The following SH3PXD2A variants were observed in gnomAD, a reference collection of about 807,000 sequenced individuals.
SH3PXD2A encodes SH3 and PX domains 2A.
A neutral mutation model predicts 115.2 loss-of-function variants in SH3PXD2A; 32 were observed. The observed-to-expected ratio is 0.28, with a 90% CI of 0.21 to 0.37. SH3PXD2A has a LOEUF of 0.37. Among genes scored for constraint, SH3PXD2A ranks in the 10% least tolerant of loss-of-function variants. The pLI is 1.00. For synonymous variants in SH3PXD2A, 610 were observed against 629.1 expected, an observed-to-expected ratio of 0.97 and a Z score of 0.45; for missense variants, 1,328 against 1,498.7, an observed-to-expected ratio of 0.89 and a Z score of 1.88.
chr10:103,757,146 CAGGTAAGG>C (rs2038651421), intron 3 of SH3PXD2A, among the ~76,000 whole-genome samples: 1 of 152,148 alleles, frequency 6.6e-6, no homozygotes, highest in Non-Finnish European at 1.5e-5. Context: ...ATTTAGGCAT[CAGGTAAGG>C]AAAGGATGTA....
intron 3 of SH3PXD2A, among the ~76,000 whole-genome samples, chr10:103,740,789 T>C (rs1375437515): frequency 6.6e-6 from 1 of 152,154 alleles, no homozygotes; most frequent in Admixed American, 6.5e-5. Context: ...CTTGGAAGAC[T>C]TCCCCCTGCC....
chr10:103,694,604 G>A (rs1042426540), intron 5 of SH3PXD2A, among the ~76,000 whole-genome samples: 1 of 152,134 alleles, frequency 6.6e-6, no homozygotes, highest in Non-Finnish European at 1.5e-5. Flanking sequence ...GAACCCCCTT[G>A]GTATTCCATG....
At chr10:103,702,843 G>T (rs1167726283) in intron 5 of SH3PXD2A, among the ~76,000 whole-genome samples, 2 of 152,302 alleles carry the variant, frequency 1.3e-5, no homozygotes, top group South Asian at 2.1e-4. Flanking sequence ...CAGGTGGTGG[G>T]GTGAGGACTT....
chr10:103,663,902 C>T (rs549670829), intron 7 of SH3PXD2A, among the ~76,000 whole-genome samples: 3 of 152,350 alleles, frequency 2.0e-5, no homozygotes, highest in South Asian at 2.1e-4. Context: ...TACATTCGCA[C>T]GTGCACAGTC....
Position 103,617,213 on chromosome 10 carries a change from C to T in SH3PXD2A, c.904G>A (p.Gly302Ser), listed in dbSNP as rs1204892775. Residue 302 changes from glycine (G) to serine (S), a missense_variant, in exon 11 of 15, where the codon GGC (glycine) becomes AGC (serine). By Grantham distance (56) the Gly-to-Ser change is moderately conservative. Transcript: ENST00000369774. The stretch of plus-strand genomic sequence containing the variant: ...GTTCCCTACCTGATATACCACCAGC[C>T]TTCCAGATTCTTCCGGATCACCTCC... ...TVEVIRKNLEGWWYIRYLGKE... is the reference protein window; with the variant it reads ...TVEVIRKNLESWWYIRYLGKE... 3 of 1,613,034 alleles carry T rather than the reference C, an allele frequency of 1.9e-6. No homozygotes were observed. The highest frequency in any genetic ancestry group is 2.2e-5 in the East Asian group (1 of 44,900).
intron 5 of SH3PXD2A, chr10:103,693,289 CCCCGCCCCGCCCCGCCCCAG>C (rs1246901953): frequency 2.0e-5 from 3 of 147,910 alleles, no homozygotes; most frequent in African/African-American, 7.4e-5. Flanking sequence ...GATTCGCCCG[CCCCGCCCCGCCCCGCCCCAG>C]CCCGCCCCGC....
At chr10:103,801,542 T>TACACACAC (rs148335179) in intron 1 of SH3PXD2A, among the ~76,000 whole-genome samples, 180 bp from the exon 2 acceptor site, 58,851 of 142,744 alleles carry the variant, frequency 0.41, 12,521 homozygotes, top group East Asian at 0.58. Flanking sequence ...TATGTCTAAA[T>TACACACAC]ACACACACAC....
At chr10:103,775,771 G>C (rs1395208216) in intron 2 of SH3PXD2A, among the ~76,000 whole-genome samples, 4 of 152,298 alleles carry the variant, frequency 2.6e-5, no homozygotes, top group East Asian at 3.9e-4. Context: ...GATGCCTGAT[G>C]TGCCACTCTC....
intron 5 of SH3PXD2A, among the ~76,000 whole-genome samples, chr10:103,720,555 G>A (rs2038170095): frequency 6.6e-6 from 1 of 152,206 alleles, no homozygotes; most frequent in African/African-American, 2.4e-5. Context: ...AATGGACCCT[G>A]CAGCAGCACA....
chr10:103,814,768 G>GA (rs760756884), intron 1 of SH3PXD2A, among the ~76,000 whole-genome samples: 20 of 152,306 alleles, frequency 1.3e-4, no homozygotes, highest in Non-Finnish European at 2.5e-4. Flanking sequence ...CTAGGTGCTA[G>GA]AAACGAAGGC....
At chr10:103,644,369 C>CA (rs531935797) in intron 8 of SH3PXD2A, among the ~76,000 whole-genome samples, 105 of 152,108 alleles carry the variant, frequency 6.9e-4, no homozygotes, top group African/African-American at 2.4e-3. Context: ...CGTTTGAGTC[C>CA]AGGTGTTCAA....
intron 8 of SH3PXD2A, among the ~76,000 whole-genome samples, chr10:103,652,827 C>T (rs1185353120): frequency 6.6e-6 from 1 of 152,146 alleles, no homozygotes; most frequent in Non-Finnish European, 1.5e-5. Flanking sequence ...CAAAGGTACA[C>T]CTGAGTCAGA....
chr10:103,662,012 GCCCC>G, intron 7 of SH3PXD2A: 1 of 942,800 alleles, frequency 1.1e-6, no homozygotes, highest in Non-Finnish European at 1.3e-6. Flanking sequence ...CCTCAGGCCT[GCCCC>G]CAGCCCTGCT....
At chr10:103,745,526 T>C (rs1382263604) in intron 3 of SH3PXD2A, among the ~76,000 whole-genome samples, 1 of 152,172 alleles carries the variant, frequency 6.6e-6, no homozygotes, top group Middle Eastern at 3.4e-3. Flanking sequence ...AATGAGTCTG[T>C]AAAAGCATTT....
chr10:103,728,702 C>G (rs940487816), intron 4 of SH3PXD2A, among the ~76,000 whole-genome samples: 4 of 152,152 alleles, frequency 2.6e-5, no homozygotes, highest in Non-Finnish European at 5.9e-5. Context: ...GAGCTTTGTA[C>G]AAGCCAGCAT....
Position 103,613,004 on chromosome 10 carries a change from A to C in SH3PXD2A, c.1107T>G (p.His369Gln). Residue 369 changes from histidine to glutamine, a missense_variant, in exon 12 of 15, where the codon CAT becomes CAG. Physicochemically the swap from His to Gln is conservative, Grantham distance 24 (BLOSUM62 0). Coordinates refer to ENST00000369774, the MANE Select transcript of SH3PXD2A (RefSeq NM_001394015.1). ...KETPPAEGEGHEAPIAKKEIS... is the reference protein window; with the variant it reads ...KETPPAEGEGQEAPIAKKEIS... ...TCTCCTTCTTGGCAATGGGGGCCTC[A>C]TGGCCCTCGCCTTCGGCTGGTGGAG... is the stretch of plus-strand genomic sequence containing the variant. 6.2e-7 allele frequency: 1 copy of C among 1,614,244 alleles called. No homozygotes were observed. The highest frequency in any genetic ancestry group is 8.5e-7 in the Non-Finnish European group (1 of 1,180,036).
At chr10:103,826,511 C>T (rs557024487) in intron 1 of SH3PXD2A, among the ~76,000 whole-genome samples, 1 of 152,294 alleles carries the variant, frequency 6.6e-6, no homozygotes, top group Admixed American at 6.5e-5. Flanking sequence ...AGCAGACTCC[C>T]CAGCTCCTGC....
At chr10:103,688,452 G>C (rs1407358609) in intron 6 of SH3PXD2A, among the ~76,000 whole-genome samples, 1 of 152,228 alleles carries the variant, frequency 6.6e-6, no homozygotes, top group Non-Finnish European at 1.5e-5. Flanking sequence ...AGTGTGGGAA[G>C]CGATGAGGAG....
chr10:103,649,256 GCCACTGTCT>G (rs1387055072), intron 8 of SH3PXD2A, among the ~76,000 whole-genome samples: 3 of 152,172 alleles, frequency 2.0e-5, no homozygotes, highest in African/African-American at 7.2e-5. Context: ...AGCAACCATG[GCCACTGTCT>G]CCACTCCTAA....
Sources: allele counts gnomAD v4.1 joint callset (sites outside exome capture counted in the v4.1 genomes callset), GRCh38; gene constraint gnomAD v4.1.1; transcripts MANE v1.5; gene names NCBI Gene and HGNC (gene_info 2026-07-23, HGNC 2026-07-21).